CEP43: variants seen among roughly 807,000 people sequenced by gnomAD.
The protein encoded by CEP43 is centrosomal protein 43.
A neutral mutation model predicts 52.6 loss-of-function variants in CEP43; 36 were observed. That is an observed-to-expected ratio of 0.68 (90% CI 0.52 to 0.90). The LOEUF (loss-of-function observed/expected upper bound fraction) is 0.90, where lower values mean the gene tolerates loss of function less well. CEP43 is among the 40% of genes least tolerant of loss of function. The pLI, the probability that CEP43 is intolerant of heterozygous loss-of-function variation, is 0.00. For synonymous variants in CEP43, 192 were observed against 172.4 expected (o/e 1.11, Z -0.89); for missense variants, 506 against 472.8 (o/e 1.07, Z -0.65).
In CEP43 at chr6:167,041,898, A is replaced by G. The variant is rs949523251; in HGVS notation, c.*1920A>G. On this transcript the variant is annotated 3_prime_UTR_variant, in exon 13 of 13. Coordinates refer to ENST00000366847, the MANE Select transcript of CEP43 (RefSeq NM_007045.4). Reference sequence around the variant, plus strand: ...GAGTACAGTGATGCGATCTCGGCTCACTGCAACCTCCGCCTCCTGGGTTCA... The same window carrying G: ...GAGTACAGTGATGCGATCTCGGCTCGCTGCAACCTCCGCCTCCTGGGTTCA... 4 of 731,788 alleles carry G rather than the reference A, an allele frequency of 5.5e-6. No individual in the cohort carries two copies. In the South Asian group the frequency reaches 1.9e-4, roughly 35 times the overall value. The allele number at this position is 731,788 out of a possible 1,614,324, so 45.3% of individuals were successfully genotyped here. A position where few individuals can be genotyped will look rare whatever the true frequency, so the allele number is the denominator to read the frequency against.
At position 167,034,249 on chromosome 6, in the gene CEP43, T is replaced by G. The variant is rs535706566; in HGVS notation, c.1125+278T>G. ...TGCTGTGGATTAAGAGGGATCAGGG[T>G]GGGTCAGGCTTAGTGAGAATTGACC... is the stretch of plus-strand genomic sequence containing the variant. On this transcript the variant is annotated intron_variant, in intron 12 of 12. Transcript: ENST00000366847. Among the ~76,000 whole-genome samples, 113 of 152,128 alleles carry G rather than the reference T, an allele frequency of 7.4e-4. 1 individual carries two copies. The highest frequency in any genetic ancestry group is 2.6e-3 in the African/African-American group (109 of 41,520).
rs901724364 is a variant in CEP43 at position 167,050,647 on chromosome 6, C to G, written c.*10669C>G. On this transcript the variant is annotated 3_prime_UTR_variant, in exon 13 of 13. Transcript: ENST00000366847. ...CAAAAATTAGTCAGGTGTGGCAGTG[C>G]GTGCCCGCCTATAGTCCCATCTACT... is the stretch of plus-strand genomic sequence containing the variant. The G allele has an allele frequency of 6.6e-6, 1 of 151,850 alleles. No homozygotes were observed. Among genetic ancestry groups the G allele is most frequent in the Non-Finnish European group, 1.5e-5 (1 of 67,972 alleles). 9.4% of individuals were successfully genotyped at this position (151,850 alleles called of 1,614,324 possible).
intron 5 of CEP43, among the ~76,000 whole-genome samples, chr6:167,008,416 G>C (rs149768962): frequency 3.3e-5 from 5 of 152,150 alleles, no homozygotes; most frequent in African/African-American, 1.2e-4. Flanking sequence ...ATTTACTGAG[G>C]ACAAGGGCTT....
At chr6:167,021,253 A>G (rs1442982132) in intron 7 of CEP43, among the ~76,000 whole-genome samples, 1 of 152,202 alleles carries the variant, frequency 6.6e-6, no homozygotes, top group East Asian at 1.9e-4. Context: ...CCACAAATTC[A>G]TTATAATTTA....
chr6:167,042,266 T>C lies in CEP43; in HGVS notation c.*2288T>C. On this transcript the variant is annotated 3_prime_UTR_variant, in exon 13 of 13. Transcript: ENST00000366847. Reference sequence around the variant, plus strand: ...ACAGGTTTTGCATGTGATGAGTGTTTTCTGTTAAAAAATAAATATTGAAAT... The same window carrying C: ...ACAGGTTTTGCATGTGATGAGTGTTCTCTGTTAAAAAATAAATATTGAAAT... 9.9e-7 allele frequency: 1 copy of C among 1,006,110 alleles called. No individual in the cohort carries two copies. The highest frequency in any genetic ancestry group is 1.2e-6 in the Non-Finnish European group (1 of 841,168). The allele number at this position is 1,006,110 out of a possible 1,614,324, so 62.3% of individuals were successfully genotyped here. A position where few individuals can be genotyped will look rare whatever the true frequency, so the allele number is the denominator to read the frequency against.
intron 12 of CEP43, among the ~76,000 whole-genome samples, chr6:167,035,442 T>A (rs1242849900): frequency 6.6e-6 from 1 of 152,024 alleles, no homozygotes; most frequent in Non-Finnish European, 1.5e-5. Context: ...GGGCTGGGGA[T>A]GTGGGGGTGT....
At chr6:167,022,843 A>G (rs1307218055) in intron 8 of CEP43, among the ~76,000 whole-genome samples, 1 of 152,078 alleles carries the variant, frequency 6.6e-6, no homozygotes, top group Non-Finnish European at 1.5e-5. Flanking sequence ...AAGTAAGTGT[A>G]GATTGAGTGT....
Position 167,044,565 on chromosome 6 carries a change from A to G in CEP43, c.*4587A>G. ...AGAGTGGCAGACAGAAGGAAACAGC[A>G]AGGCCTCTGAGGTAGGAGGGACAGC... On this transcript the variant is annotated 3_prime_UTR_variant, in exon 13 of 13. Transcript: ENST00000366847. 7.1e-6 allele frequency: 7 copies of G among 984,922 alleles called. No homozygotes were observed. Among genetic ancestry groups the G allele is most frequent in the Non-Finnish European group, 8.4e-6 (7 of 829,436 alleles). 61.0% of individuals were successfully genotyped at this position (984,922 alleles called of 1,614,324 possible).
At chr6:167,018,526 G>T (rs1780152942) in intron 7 of CEP43, among the ~76,000 whole-genome samples, 1 of 152,070 alleles carries the variant, frequency 6.6e-6, no homozygotes, top group African/African-American at 2.4e-5. Context: ...GAGTAGCTGG[G>T]ATTACAGGCA....
At chr6:167,013,382 A>G (rs77957971) in intron 6 of CEP43, 126 bp from the exon 7 acceptor site, 1 of 698,676 alleles carries the variant, frequency 1.4e-6, no homozygotes, top group Admixed American at 2.6e-5. Flanking sequence ...GGCCTCACAG[A>G]ACATATTAAC....
Position 167,022,629 on chromosome 6 carries a change from A to C in CEP43, c.800A>C (p.Tyr267Ser). Residue 267 changes from tyrosine (Y) to serine (S), a missense_variant, in exon 8 of 13, where the codon TAC becomes TCC. By Grantham distance (144) the Tyr-to-Ser change is moderately radical. Coordinates refer to ENST00000366847, the MANE Select transcript of CEP43 (RefSeq NM_007045.4). ...DDPIPKPEKT[Y>S]GLRKEPRKQA... ...CCCATTCCTAAGCCAGAGAAAACTT[A>C]CGGTTTGTGAGTAAATGGTTTTTGA... 6.2e-7 allele frequency: 1 copy of C among 1,610,120 alleles called. No individual in the cohort carries two copies. Among genetic ancestry groups the C allele is most frequent in the Non-Finnish European group, 8.5e-7 (1 of 1,176,550 alleles).
chr6:167,024,991 C>G (rs1455411426), intron 9 of CEP43, 97 bp downstream of exon 9: 7 of 693,332 alleles, frequency 1.0e-5, no homozygotes, highest in Non-Finnish European at 1.3e-5. Flanking sequence ...AGGAAAATCA[C>G]TAAAATAACC....
chr6:167,036,643 C>T (rs1780591082), intron 12 of CEP43: 10 of 985,272 alleles, frequency 1.0e-5, no homozygotes, highest in Non-Finnish European at 1.2e-5. Flanking sequence ...AGCTTGCTAT[C>T]ACAGGGATCC....
chr6:166,999,696 G>A (rs904336658), intron 1 of CEP43, 182 bp downstream of exon 1: 4 of 477,034 alleles, frequency 8.4e-6, no homozygotes, highest in Non-Finnish European at 1.1e-5. Context: ...CGGCTCGTTC[G>A]TTCGTGTGGT....
At chr6:167,000,652 G>A (rs371459375) in intron 2 of CEP43, among the ~76,000 whole-genome samples, 2 of 152,216 alleles carry the variant, frequency 1.3e-5, no homozygotes, top group African/African-American at 4.8e-5. Flanking sequence ...CATCATCAAA[G>A]CCTTAAACTC....
At chr6:167,004,235 G>A (rs563320838) in intron 4 of CEP43, 29 bp from the exon 5 acceptor site, 3 of 1,572,570 alleles carry the variant, frequency 1.9e-6, no homozygotes, top group African/African-American at 2.8e-5. Context: ...CTATTTTTTT[G>A]TGCACTTGTA....
At chr6:167,003,958 C>G in intron 4 of CEP43, 147 bp downstream of exon 4, 1 of 632,118 alleles carries the variant, frequency 1.6e-6, no homozygotes, top group Non-Finnish European at 2.7e-6. Flanking sequence ...TTCTTAAAAG[C>G]CATATGAGCT....
rs924404010 is a variant in CEP43 at position 167,044,329 on chromosome 6, A to G, written c.*4351A>G. The stretch of plus-strand genomic sequence containing the variant: ...AAAAATTGTTGGCCTAAGATAATTC[A>G]GTAGCAGGGCTGAATAATGGGATGA... On this transcript the variant is annotated 3_prime_UTR_variant, in exon 13 of 13. Transcript: ENST00000366847. 8 of 886,656 alleles carry G rather than the reference A, an allele frequency of 9.0e-6. No individual in the cohort carries two copies. Among genetic ancestry groups the G allele is most frequent in the African/African-American group, 1.8e-5 (1 of 55,330 alleles). 54.9% of individuals were successfully genotyped at this position (886,656 alleles called of 1,614,324 possible). A position where few individuals can be genotyped will look rare whatever the true frequency, so the allele number is the denominator to read the frequency against.
chr6:167,010,850 A>C lies in CEP43; in HGVS notation c.476A>C (p.Lys159Thr), dbSNP rs1364198844. Reference sequence around the variant, plus strand: ...CTATCTGATGTACATTCTCCACCAAAGTCACCAGAGGGAAAAACAAGTGCA... The same window carrying C: ...CTATCTGATGTACATTCTCCACCAACGTCACCAGAGGGAAAAACAAGTGCA... ...LDLSDVHSPP[K>T]SPEGKTSAQT... Residue 159 changes from lysine to threonine, a missense_variant, in exon 6 of 13, where the codon AAG (lysine) becomes ACG (threonine). Coordinates refer to ENST00000366847, the MANE Select transcript of CEP43 (RefSeq NM_007045.4). 6.3e-7 allele frequency: 1 copy of C among 1,598,978 alleles called. No homozygotes were observed. Among genetic ancestry groups the C allele is most frequent in the Non-Finnish European group, 8.5e-7 (1 of 1,173,014 alleles).
Sources: gnomAD v4.1 joint callset for allele counts (sites outside exome capture counted in the v4.1 genomes callset) on GRCh38, gnomAD v4.1.1 for gene constraint, MANE v1.5 for transcripts, NCBI Gene and HGNC (gene_info 2026-07-23, HGNC 2026-07-21) for gene names.